The following SLC9A9 variants were observed in gnomAD, a reference collection of about 807,000 sequenced individuals.
SLC9A9 encodes sodium/hydrogen exchanger 9.
A neutral mutation model predicts 77.8 loss-of-function variants in SLC9A9; 62 were observed. That is an observed-to-expected ratio of 0.80 (90% CI 0.65 to 0.98). The LOEUF is 0.98. Among genes scored for constraint, SLC9A9 ranks in the 50% least tolerant of loss-of-function variants. The pLI is 0.00. For synonymous variants in SLC9A9, 320 were observed against 283.5 expected (o/e 1.13, Z -1.29); for missense variants, 775 against 774.9 (o/e 1.00, Z 0.00).
intron 9 of SLC9A9, among the ~76,000 whole-genome samples, chr3:143,522,252 C>A (rs2036313599): frequency 6.6e-6 from 1 of 152,146 alleles, no homozygotes; most frequent in African/African-American, 2.4e-5. Flanking sequence ...CATTTAAGAA[C>A]TATTTACCAA....
intron 14 of SLC9A9, among the ~76,000 whole-genome samples, chr3:143,309,461 T>C (rs2030938164): frequency 6.6e-6 from 1 of 152,164 alleles, no homozygotes; most frequent in South Asian, 2.1e-4. Context: ...CAGATGATTT[T>C]TTTCCAAGTA....
At chr3:143,801,500 C>T (rs1489931229) in intron 2 of SLC9A9, among the ~76,000 whole-genome samples, 1 of 152,156 alleles carries the variant, frequency 6.6e-6, no homozygotes, top group Non-Finnish European at 1.5e-5. Flanking sequence ...ACCATTGTTC[C>T]TGGCCCAGAC....
intron 9 of SLC9A9, among the ~76,000 whole-genome samples, chr3:143,527,655 T>A (rs374445250): frequency 1.8e-4 from 28 of 152,336 alleles, no homozygotes; most frequent in African/African-American, 6.7e-4. Flanking sequence ...TTCCTTCCTG[T>A]CTACCGAAGG....
chr3:143,604,282 T>C (rs1348241262), intron 6 of SLC9A9, among the ~76,000 whole-genome samples: 5 of 152,226 alleles, frequency 3.3e-5, no homozygotes, highest in African/African-American at 1.2e-4. Context: ...GTACTGTGAA[T>C]TTGTTGATTC....
chr3:143,503,240 T>A (rs1309618336), intron 9 of SLC9A9: 1 of 219,332 alleles, frequency 4.6e-6, no homozygotes, highest in African/African-American at 2.4e-5. Flanking sequence ...TGAGGGCCTC[T>A]CTTTTACTCT....
At chr3:143,505,089 C>A (rs552675847) in intron 9 of SLC9A9, among the ~76,000 whole-genome samples, 2 of 152,066 alleles carry the variant, frequency 1.3e-5, no homozygotes, top group East Asian at 3.9e-4. Flanking sequence ...AAAAAAAAAA[C>A]TTAAAAGGTA....
chr3:143,558,418 A>G (rs1397517769), intron 8 of SLC9A9, among the ~76,000 whole-genome samples: 5 of 152,148 alleles, frequency 3.3e-5, no homozygotes, highest in Non-Finnish European at 7.4e-5. Context: ...AAAGCAACAG[A>G]CACCCAATAC....
At position 143,848,419 on chromosome 3, in the gene SLC9A9, A is replaced by C; in HGVS notation, c.-97T>G. The C allele has an allele frequency of 6.6e-7, 1 of 1,507,020 alleles. No homozygotes were observed. The allele number at this position is 1,507,020 out of a possible 1,614,324, so 93.4% of individuals were successfully genotyped here. A position where few individuals can be genotyped will look rare whatever the true frequency, so the allele number is the denominator to read the frequency against. ...AGTCTGACTGCCTGAGAATTTCAGA[A>C]GAAACACTGCCACTTTAGTTGCTAC... On this transcript the variant is annotated 5_prime_UTR_variant, in exon 1 of 16. Coordinates refer to ENST00000316549, the MANE Select transcript of SLC9A9 (RefSeq NM_173653.4).
chr3:143,572,190 A>G (rs1550510), intron 8 of SLC9A9, among the ~76,000 whole-genome samples: 2,718 of 152,242 alleles, frequency 0.018, 42 homozygotes, highest in Middle Eastern at 0.027. Context: ...CAATTTGTTC[A>G]GTTTCCCATG....
intron 2 of SLC9A9, among the ~76,000 whole-genome samples, chr3:143,826,206 C>T (rs1161771598): frequency 1.3e-5 from 2 of 151,004 alleles, no homozygotes; most frequent in East Asian, 3.9e-4. Context: ...TTGCAGTGAG[C>T]TGGAATCGTA....
intron 2 of SLC9A9, among the ~76,000 whole-genome samples, chr3:143,817,990 C>A (rs1359745335): frequency 6.6e-6 from 1 of 151,782 alleles, no homozygotes; most frequent in African/African-American, 2.4e-5. Context: ...GTAAGTAAAG[C>A]AAGTTACAAA....
chr3:143,481,473 G>C (rs193246313), intron 11 of SLC9A9, among the ~76,000 whole-genome samples: 58 of 152,290 alleles, frequency 3.8e-4, no homozygotes, highest in African/African-American at 1.4e-3. Context: ...AACTAGATAA[G>C]CAGCATTATG....
intron 14 of SLC9A9, among the ~76,000 whole-genome samples, chr3:143,309,968 G>C (rs371205877): frequency 5.9e-5 from 9 of 152,338 alleles, no homozygotes; most frequent in Non-Finnish European, 1.0e-4. Flanking sequence ...CTGGGCAATG[G>C]ATCTGGCTCA....
At chr3:143,432,031 C>G (rs935539345) in intron 12 of SLC9A9, among the ~76,000 whole-genome samples, 4 of 152,204 alleles carry the variant, frequency 2.6e-5, no homozygotes, top group African/African-American at 9.6e-5. Context: ...TATAACCCAG[C>G]CTCCATTCTC....
chr3:143,486,148 T>TA (rs1263269505), intron 11 of SLC9A9, among the ~76,000 whole-genome samples: 1 of 151,670 alleles, frequency 6.6e-6, no homozygotes, highest in Non-Finnish European at 1.5e-5. Flanking sequence ...AAGAAAAAAA[T>TA]AAAAAACAAA....
At chr3:143,677,740 C>A (rs779932735) in intron 5 of SLC9A9, among the ~76,000 whole-genome samples, 2 of 151,884 alleles carry the variant, frequency 1.3e-5, no homozygotes, top group Non-Finnish European at 2.9e-5. Context: ...ATTTACATTT[C>A]CATGACTTCT....
intron 6 of SLC9A9, among the ~76,000 whole-genome samples, chr3:143,640,538 A>T (rs1438827387): frequency 6.6e-6 from 1 of 152,094 alleles, no homozygotes; most frequent in Non-Finnish European, 1.5e-5. Flanking sequence ...ATAGCAGAAG[A>T]CAGAACTACC....
chr3:143,506,559 A>G (rs1447371314), intron 9 of SLC9A9, among the ~76,000 whole-genome samples: 1 of 152,152 alleles, frequency 6.6e-6, no homozygotes, highest in Admixed American at 6.5e-5. Context: ...GCAATTCCAC[A>G]GTTTAGGCAG....
intron 4 of SLC9A9, among the ~76,000 whole-genome samples, chr3:143,741,974 G>A (rs1935084512): frequency 6.6e-6 from 1 of 152,030 alleles, no homozygotes; most frequent in Non-Finnish European, 1.5e-5. Flanking sequence ...TTCTTGCCTG[G>A]AGACTAGATT....
Sources: gnomAD v4.1 joint callset for allele counts (sites outside exome capture counted in the v4.1 genomes callset) on GRCh38, gnomAD v4.1.1 for gene constraint, MANE v1.5 for transcripts, NCBI Gene and HGNC (gene_info 2026-07-23, HGNC 2026-07-21) for gene names.